The following ATP2C2 variants were observed in gnomAD, a reference collection of about 807,000 sequenced individuals.
The protein encoded by ATP2C2 is calcium-transporting ATPase type 2C member 2.
In ATP2C2, 171 loss-of-function variants were observed where a neutral mutation model predicts 110.8. That is an observed-to-expected ratio of 1.54 (90% CI 1.36 to 1.75). ATP2C2 has a LOEUF of 1.75. Ranked by LOEUF, ATP2C2 falls within the 40% of genes most tolerant of loss-of-function variation. The pLI, the probability that ATP2C2 is intolerant of heterozygous loss-of-function variation, is 0.00. For synonymous variants in ATP2C2, 804 were observed against 508.4 expected, an observed-to-expected ratio of 1.58 and a Z score of -7.82; for missense variants, 1,963 against 1,235.0, an observed-to-expected ratio of 1.59 and a Z score of -8.84.
intron 15 of ATP2C2, 21 bp from the exon 16 acceptor site, chr16:84,446,308 T>C (rs1909742779): frequency 2.7e-6 from 4 of 1,473,488 alleles, no homozygotes; most frequent in African/African-American, 1.4e-5. Context: ...TCACTAAAAA[T>C]GTGTCATTTT....
At chr16:84,463,211 CGCTGGG>C (rs1567471087) in intron 26 of ATP2C2, among the ~76,000 whole-genome samples, 2,361 of 24,102 alleles carry the variant, frequency 0.098, 29 homozygotes, top group East Asian at 0.17. Context: ...GGGAACATGT[CGCTGGG>C]AATTCATCCC....
At chr16:84,453,110 C>G (rs1283167880) in intron 18 of ATP2C2, 28 bp from the exon 19 acceptor site, 3 of 1,578,408 alleles carry the variant, frequency 1.9e-6, no homozygotes, top group East Asian at 2.3e-5. Context: ...GGCCTCAGAG[C>G]AGGCCCTCAG....
intron 2 of ATP2C2, among the ~76,000 whole-genome samples, chr16:84,398,898 G>A (rs533636575): frequency 1.7e-4 from 26 of 152,294 alleles, no homozygotes; most frequent in Admixed American, 1.7e-3. Context: ...AACATAAAGG[G>A]ATGGAAGATG....
chr16:84,415,417 T>G, intron 6 of ATP2C2, 66 bp from the exon 7 acceptor site: 1 of 1,287,766 alleles, frequency 7.8e-7, no homozygotes, highest in Non-Finnish European at 1.1e-6. Context: ...CTTGTTCAAA[T>G]GTATCAAGGT....
At chr16:84,446,290 C>T (rs377170998) in intron 15 of ATP2C2, 39 bp from the exon 16 acceptor site, 131 of 1,284,650 alleles carry the variant, frequency 1.0e-4, no homozygotes, top group Non-Finnish European at 1.3e-4. Context: ...AGATTGGCTT[C>T]GGATGACTCA....
intron 23 of ATP2C2, 126 bp from the exon 24 acceptor site, chr16:84,460,528 G>T (rs745488156): frequency 7.3e-7 from 1 of 1,364,760 alleles, no homozygotes; most frequent in Non-Finnish European, 1.0e-6. Context: ...GCCTGGGGGC[G>T]TTCAGCAAAT....
chr16:84,460,435 C>T (rs569669041), intron 23 of ATP2C2: 12 of 647,072 alleles, frequency 1.9e-5, no homozygotes, highest in African/African-American at 1.3e-4. Context: ...CCTTCACTGT[C>T]TGCGGGACAG....
intron 7 of ATP2C2, among the ~76,000 whole-genome samples, chr16:84,418,674 G>A (rs1907052084): frequency 6.6e-6 from 1 of 152,170 alleles, no homozygotes; most frequent in Admixed American, 6.5e-5. Flanking sequence ...AGGGGGACAT[G>A]ACCCCGGGCC....
chr16:84,448,498 G>A (rs769946398), intron 16 of ATP2C2, 35 bp from the exon 17 acceptor site: 8 of 1,587,818 alleles, frequency 5.0e-6, no homozygotes, highest in South Asian at 4.6e-5. Context: ...AAGGCTTCCA[G>A]TGATAGTGGA....
intron 21 of ATP2C2, among the ~76,000 whole-genome samples, chr16:84,458,498 A>G (rs1158403667): frequency 0.1 from 584 of 5,820 alleles, 23 homozygotes; most frequent in Admixed American, 0.38. Flanking sequence ...AGTATAATAA[A>G]AAAAAAAAAA....
rs1297611953 is a variant in ATP2C2 at position 84,461,788 on chromosome 16, C to A, written c.2556C>A (p.Phe852Leu). Reference protein sequence around the residue: ...TFTCFVFFDLFNALTCRSQTK... With the variant: ...TFTCFVFFDLLNALTCRSQTK... ...CTTGTTTTGTGTTTTTCGATCTCTT[C>A]AACGCCTTGACCTGCCGCTCTCAGG... Residue 852 changes from phenylalanine (F) to leucine (L), a missense_variant, in exon 25 of 27, where the codon TTC becomes TTA. Phe to Leu is a conservative substitution (Grantham distance 22). Coordinates refer to ENST00000262429, the MANE Select transcript of ATP2C2 (RefSeq NM_014861.4). The A allele has an allele frequency of 1.4e-5, 22 of 1,614,054 alleles. No individual in the cohort carries two copies. The highest frequency in any genetic ancestry group is 1.6e-4 in the Middle Eastern group (1 of 6,084).
At chr16:84,432,070 C>T (rs954741380) in intron 11 of ATP2C2, among the ~76,000 whole-genome samples, 3 of 152,066 alleles carry the variant, frequency 2.0e-5, no homozygotes, top group African/African-American at 7.2e-5. Flanking sequence ...GCCGCTCCCC[C>T]AACTCGGGGC....
chr16:84,433,168 C>T (rs1339122624), intron 11 of ATP2C2, among the ~76,000 whole-genome samples: 1 of 152,026 alleles, frequency 6.6e-6, no homozygotes, highest in African/African-American at 2.4e-5. Flanking sequence ...TCCCTTGAGC[C>T]CAGGAGTTTG....
chr16:84,428,806 G>A (rs1908009468), intron 11 of ATP2C2, among the ~76,000 whole-genome samples: 1 of 152,152 alleles, frequency 6.6e-6, no homozygotes, highest in South Asian at 2.1e-4. Context: ...AAAAAAAGCT[G>A]TACTCATAGA....
intron 23 of ATP2C2, chr16:84,460,035 C>T (rs571569995): frequency 1.3e-4 from 27 of 208,018 alleles, no homozygotes; most frequent in South Asian, 8.0e-4. Context: ...CCAGTGCTTC[C>T]GCTGGAGCTC....
At chr16:84,437,153 A>G (rs530349892) in intron 11 of ATP2C2, among the ~76,000 whole-genome samples, 7 of 152,284 alleles carry the variant, frequency 4.6e-5, no homozygotes, top group African/African-American at 1.2e-4. Flanking sequence ...TAGTGTATTC[A>G]GAGATATACA....
intron 10 of ATP2C2, among the ~76,000 whole-genome samples, chr16:84,423,731 G>C (rs552553967): frequency 6.6e-6 from 1 of 152,338 alleles, no homozygotes; most frequent in South Asian, 2.1e-4. Context: ...TCATCAATTT[G>C]ACCATCTTTT....
At position 84,371,812 on chromosome 16, in the gene ATP2C2, A is replaced by T. The variant is rs114947623; in HGVS notation, c.99+3098A>T. On this transcript the variant is annotated intron_variant, in intron 1 of 26. Transcript: ENST00000262429. ...AATGTAGTGACCACCCATCCATTCAACCTAGATTCACGGAGGGGGCTCCCT... is the reference window on the plus strand; with the variant it reads ...AATGTAGTGACCACCCATCCATTCATCCTAGATTCACGGAGGGGGCTCCCT... 2.0e-3 allele frequency among the ~76,000 whole-genome samples: 302 copies of T among 152,288 alleles called. 3 individuals carry two copies. Among genetic ancestry groups the T allele is most frequent in the African/African-American group, 6.9e-3 (285 of 41,570 alleles).
chr16:84,427,039 G>A (rs1907868899), intron 11 of ATP2C2, among the ~76,000 whole-genome samples: 1 of 152,162 alleles, frequency 6.6e-6, no homozygotes, highest in Non-Finnish European at 1.5e-5. Flanking sequence ...ATGTCCCATT[G>A]GAAGGGAGCC....
Sources: gnomAD v4.1 joint callset for allele counts (sites outside exome capture counted in the v4.1 genomes callset) on GRCh38, gnomAD v4.1.1 for gene constraint, MANE v1.5 for transcripts, NCBI Gene and HGNC (gene_info 2026-07-23, HGNC 2026-07-21) for gene names.